NIPAL4: variants seen among roughly 807,000 people sequenced by gnomAD.
The protein encoded by NIPAL4 is NIPA like domain containing 4.
A neutral mutation model predicts 31.6 loss-of-function variants in NIPAL4; 21 were observed. The ratio of observed to expected loss-of-function variants is 0.67; its 90% CI spans 0.47 to 0.96. NIPAL4 has a LOEUF of 0.96. Among genes scored for constraint, NIPAL4 ranks in the 40% least tolerant of loss-of-function variants. The pLI is 0.00. For missense variants in NIPAL4, 438 were observed against 508.0 expected (o/e 0.86, Z 1.32); for synonymous variants, 175 against 211.1 (o/e 0.83, Z 1.48).
At chr5:157,463,394 G>A (rs1754164463) in intron 2 of NIPAL4, 61 bp downstream of exon 2, 1 of 1,517,980 alleles carries the variant, frequency 6.6e-7, no homozygotes, top group Non-Finnish European at 8.8e-7. Flanking sequence ...CAAGGTCCGG[G>A]GCTGTAGTCT....
At chr5:157,469,484 A>C (rs577375864) in intron 4 of NIPAL4, among the ~76,000 whole-genome samples, 3 of 152,380 alleles carry the variant, frequency 2.0e-5, no homozygotes, top group African/African-American at 7.2e-5. Flanking sequence ...CAAAGTTACC[A>C]GCTTCTAAGA....
Position 157,472,996 on chromosome 5 carries a change from G to A in NIPAL4, c.*36G>A. On this transcript the variant is annotated 3_prime_UTR_variant, in exon 6 of 6. Coordinates refer to ENST00000311946, the MANE Select transcript of NIPAL4 (RefSeq NM_001099287.2). ...ATGTGAGTGAGAGGATGAGTCCGAT[G>A]GTACAGCCTGCCCTCCCAATTTCAA... The A allele has an allele frequency of 6.8e-7, 1 of 1,479,520 alleles. No individual in the cohort carries two copies. Among genetic ancestry groups the A allele is most frequent in the Non-Finnish European group, 8.9e-7 (1 of 1,117,438 alleles). The allele number at this position is 1,479,520 out of a possible 1,614,324, so 91.6% of individuals were successfully genotyped here.
chr5:157,471,983 G>A (rs1754453822), intron 5 of NIPAL4, among the ~76,000 whole-genome samples, 166 bp downstream of exon 5: 4 of 152,188 alleles, frequency 2.6e-5, no homozygotes, highest in Admixed American at 6.5e-5. Context: ...AGCAAGGCTA[G>A]CTTAAAGGCT....
At position 157,460,349 on chromosome 5, in the gene NIPAL4, G is replaced by A; in HGVS notation, c.29G>A (p.Cys10Tyr). 22 of 1,546,632 alleles carry A rather than the reference G, an allele frequency of 1.4e-5. No homozygotes were observed. The highest frequency in any genetic ancestry group is 1.9e-5 in the Non-Finnish European group (22 of 1,146,132). MELRVSNTS[C>Y]ENGSLLHLYC... ...GAGCTGCGGGTCAGCAACACCAGCT[G>A]CGAGAACGGTGCGTACGGCAGGGCT... Residue 10 changes from cysteine to tyrosine, a missense_variant, in exon 1 of 6, where the codon TGC becomes TAC. Coordinates refer to ENST00000311946, the MANE Select transcript of NIPAL4 (RefSeq NM_001099287.2).
intron 2 of NIPAL4, among the ~76,000 whole-genome samples, chr5:157,464,513 C>T (rs1754200960): frequency 6.6e-6 from 1 of 152,084 alleles, no homozygotes; most frequent in African/African-American, 2.4e-5. Flanking sequence ...AGAACTTGAG[C>T]CCGGGAGACG....
rs1388906615 is a variant in NIPAL4 at position 157,460,294 on chromosome 5, C to A, written c.-27C>A. ...GGGGAGCCCGGGCGCCGTCCGCCCG[C>A]GCGTCGGTTCGTGTGCCCCGGGCCC... On this transcript the variant is annotated 5_prime_UTR_variant, in exon 1 of 6. Coordinates refer to ENST00000311946, the MANE Select transcript of NIPAL4 (RefSeq NM_001099287.2). 1 of 1,545,922 alleles carries A rather than the reference C, an allele frequency of 6.5e-7. No individual in the cohort carries two copies. Among genetic ancestry groups the A allele is most frequent in the Non-Finnish European group, 8.7e-7 (1 of 1,145,056 alleles).
intron 2 of NIPAL4, among the ~76,000 whole-genome samples, chr5:157,464,393 C>T (rs572415819): frequency 2.2e-4 from 33 of 152,174 alleles, no homozygotes; most frequent in Admixed American, 1.4e-3. Context: ...TTTAGGAAGG[C>T]GAGTGACACA....
In NIPAL4 at chr5:157,471,866, C is replaced by A. The variant is rs10476050; in HGVS notation, c.586+49C>A. 0.061 allele frequency: 85,548 copies of A among 1,410,676 alleles called. 2,871 individuals carry two copies. The highest frequency in any genetic ancestry group is 0.077 in the Middle Eastern group (440 of 5,714). The allele number at this position is 1,410,676 out of a possible 1,614,324, so 87.4% of individuals were successfully genotyped here. On this transcript the variant is annotated intron_variant, in intron 5 of 5. Transcript: ENST00000311946. Reference sequence around the variant, plus strand: ...CAGGAAAATACTGGAGGTTGAACACCCCCTACTACCCCACAAAAGGTCAGG... The same window carrying A: ...CAGGAAAATACTGGAGGTTGAACACACCCTACTACCCCACAAAAGGTCAGG...
chr5:157,463,411 A>G (rs1754165220), intron 2 of NIPAL4, 78 bp downstream of exon 2: 2 of 1,463,076 alleles, frequency 1.4e-6, no homozygotes, highest in Admixed American at 2.5e-5. Context: ...GTCTAAGAGG[A>G]TGGCCTCAGC....
In NIPAL4 at chr5:157,472,614, A is replaced by G. The variant is rs1282587755; in HGVS notation, c.869A>G (p.Asn290Ser). ...NFLNRALDIF[N>S]TSLVFPIYYV... ...CTCAACAGAGCACTGGACATTTTCA[A>G]CACTTCCCTGGTGTTCCCCATCTAC... Residue 290 changes from asparagine to serine, a missense_variant, in exon 6 of 6, where the codon AAC becomes AGC. Asn to Ser is a conservative substitution (Grantham distance 46). Coordinates refer to ENST00000311946, the MANE Select transcript of NIPAL4 (RefSeq NM_001099287.2). 2 of 1,613,514 alleles carry G rather than the reference A, an allele frequency of 1.2e-6. No homozygotes were observed. The highest frequency in any genetic ancestry group is 2.2e-5 in the East Asian group (1 of 44,842).
chr5:157,469,177 C>T (rs1159955428), intron 4 of NIPAL4, among the ~76,000 whole-genome samples: 1 of 152,176 alleles, frequency 6.6e-6, no homozygotes, highest in South Asian at 2.1e-4. Context: ...CGCTCTGCCA[C>T]TTAGTAGTCA....
intron 1 of NIPAL4, among the ~76,000 whole-genome samples, chr5:157,462,831 ACTT>A (rs1447950472): frequency 6.6e-6 from 1 of 152,124 alleles, no homozygotes; most frequent in South Asian, 2.1e-4. Flanking sequence ...GAACTTATGT[ACTT>A]CTTCTGACTG....
Position 157,473,035 on chromosome 5 carries a change from T to C in NIPAL4, c.*75T>C. The C allele has an allele frequency of 7.8e-7, 1 of 1,289,208 alleles. No individual in the cohort carries two copies. The highest frequency in any genetic ancestry group is 1.0e-6 in the Non-Finnish European group (1 of 956,326). 79.9% of individuals were successfully genotyped at this position (1,289,208 alleles called of 1,614,324 possible). A position where few individuals can be genotyped will look rare whatever the true frequency, so the allele number is the denominator to read the frequency against. The stretch of plus-strand genomic sequence containing the variant: ...TCCCAATTTCAAAACCACCTGGTTA[T>C]TTTCCAGTGCAACTGTTACCAATGG... On this transcript the variant is annotated 3_prime_UTR_variant, in exon 6 of 6. Coordinates refer to ENST00000311946, the MANE Select transcript of NIPAL4 (RefSeq NM_001099287.2).
At chr5:157,469,188 C>T (rs376950217) in intron 4 of NIPAL4, among the ~76,000 whole-genome samples, 23 of 152,186 alleles carry the variant, frequency 1.5e-4, no homozygotes, top group East Asian at 9.6e-4. Context: ...TTAGTAGTCA[C>T]GTTACCATAG....
rs775609653 is a variant in NIPAL4, at chr5:157,463,345, G to A, written c.277+12G>A. On this transcript the variant is annotated intron_variant, in intron 2 of 5. Transcript: ENST00000311946. ...AGCCACTCGAGCTGGTAGGTTCCTG[G>A]GCCAGGAGAGGATAGGGCCCAGGGC... 6.9e-5 allele frequency: 110 copies of A among 1,598,468 alleles called. 1 individual carries two copies. The Admixed American group carries it at 1.9e-3, about 27-fold the overall frequency.
chr5:157,463,727 A>G (rs1280666618), intron 2 of NIPAL4, among the ~76,000 whole-genome samples: 6 of 152,172 alleles, frequency 3.9e-5, no homozygotes, highest in Admixed American at 3.9e-4. Flanking sequence ...GCTCAGAACA[A>G]TGTCAGACGC....
chr5:157,469,282 G>T (rs1287086886), intron 4 of NIPAL4, among the ~76,000 whole-genome samples: 2 of 152,160 alleles, frequency 1.3e-5, no homozygotes, highest in Non-Finnish European at 1.5e-5. Flanking sequence ...CCACTGGGGG[G>T]CATTGTTCTG....
intron 1 of NIPAL4, 77 bp from the exon 2 acceptor site, chr5:157,463,017 A>G: frequency 5.1e-6 from 8 of 1,574,252 alleles, no homozygotes; most frequent in Non-Finnish European, 6.9e-6. Context: ...AGGGTTTGAA[A>G]CAGTGGCCAA....
At position 157,463,003 on chromosome 5, in the gene NIPAL4, G is replaced by A. The variant is rs568706393; in HGVS notation, c.38-91G>A. On this transcript the variant is annotated intron_variant, in intron 1 of 5. Transcript: ENST00000311946. ...TGGGTATAGCCCTGCAGTAGCGGAAGCACAGGGTTTGAAACAGTGGCCAAT... is the reference window on the plus strand; with the variant it reads ...TGGGTATAGCCCTGCAGTAGCGGAAACACAGGGTTTGAAACAGTGGCCAAT... 125 of 1,523,764 alleles carry A rather than the reference G, an allele frequency of 8.2e-5. No homozygotes were observed. The African/African-American group carries it at 1.6e-3, about 19-fold the overall frequency. The allele number at this position is 1,523,764 out of a possible 1,614,324, so 94.4% of individuals were successfully genotyped here. A position where few individuals can be genotyped will look rare whatever the true frequency, so the allele number is the denominator to read the frequency against.
Sources: allele counts gnomAD v4.1 joint callset (sites outside exome capture counted in the v4.1 genomes callset), GRCh38; gene constraint gnomAD v4.1.1; transcripts MANE v1.5; gene names NCBI Gene and HGNC (gene_info 2026-07-23, HGNC 2026-07-21).